Variants in RBMS3 observed in about 807,000 individuals in gnomAD.
RBMS3 encodes the protein RNA binding motif single stranded interacting protein 3, also known as RNA-binding motif, single-stranded-interacting protein 3.
In RBMS3, 27 loss-of-function variants were observed where a neutral mutation model predicts 66.8. That is an observed-to-expected ratio of 0.40 (90% confidence interval 0.30 to 0.56). The LOEUF (loss-of-function observed/expected upper bound fraction) is 0.56, where lower values mean the gene tolerates loss of function less well. Ranked by LOEUF, RBMS3 falls within the 20% of genes least tolerant of loss-of-function variation. RBMS3 has a pLI of 0.40. For missense variants in RBMS3, 513 were observed against 549.5 expected, an observed-to-expected ratio of 0.93 and a Z score of 0.66; for synonymous variants, 188 against 183.0, an observed-to-expected ratio of 1.03 and a Z score of -0.22.
At chr3:29,651,064 T>C (rs139153750) in intron 4 of RBMS3, among the ~76,000 whole-genome samples, 145 of 152,320 alleles carry the variant, frequency 9.5e-4, no homozygotes, top group African/African-American at 3.4e-3. Context: ...ATTTATTACT[T>C]TATCAAACCA....
At chr3:29,706,964 C>G (rs1053081748) in intron 4 of RBMS3, among the ~76,000 whole-genome samples, 2 of 152,094 alleles carry the variant, frequency 1.3e-5, no homozygotes, top group Non-Finnish European at 2.9e-5. Flanking sequence ...ATCCTGAGGT[C>G]TTAGAGAGAT....
intron 3 of RBMS3, among the ~76,000 whole-genome samples, chr3:29,585,555 G>A (rs1340292390): frequency 2.0e-5 from 3 of 152,120 alleles, no homozygotes; most frequent in African/African-American, 7.2e-5. Flanking sequence ...CACGAAGCCA[G>A]TAGTACCTGA....
chr3:29,518,076 T>C (rs577973567), intron 3 of RBMS3, among the ~76,000 whole-genome samples: 6 of 152,314 alleles, frequency 3.9e-5, no homozygotes, highest in Admixed American at 2.6e-4. Context: ...AGATAATCCT[T>C]ACCTCTTATC....
chr3:29,556,766 A>G (rs2046381831), intron 3 of RBMS3, among the ~76,000 whole-genome samples: 1 of 152,070 alleles, frequency 6.6e-6, no homozygotes, highest in African/African-American at 2.4e-5. Flanking sequence ...TGTTCTTCCT[A>G]GGGCAGTTCT....
At chr3:29,879,089 C>CA (rs147455657) in intron 7 of RBMS3, among the ~76,000 whole-genome samples, 4,094 of 145,172 alleles carry the variant, frequency 0.028, 160 homozygotes, top group African/African-American at 0.091. Flanking sequence ...GCATGAAAGG[C>CA]AAAAAAAAAA....
chr3:29,592,770 G>A (rs1339359953), intron 4 of RBMS3, among the ~76,000 whole-genome samples: 5 of 151,870 alleles, frequency 3.3e-5, no homozygotes, highest in Admixed American at 2.6e-4. Flanking sequence ...AATGTCCATC[G>A]ATGATAGACT....
chr3:29,620,201 T>G (rs2048818786), intron 4 of RBMS3, among the ~76,000 whole-genome samples: 1 of 152,194 alleles, frequency 6.6e-6, no homozygotes, highest in Non-Finnish European at 1.5e-5. Flanking sequence ...TTTTATATTT[T>G]GGATTGGATC....
At chr3:29,882,484 G>A (rs748225648) in intron 7 of RBMS3, among the ~76,000 whole-genome samples, 9 of 152,020 alleles carry the variant, frequency 5.9e-5, no homozygotes, top group Non-Finnish European at 1.3e-4. Flanking sequence ...GTGCACCTCT[G>A]TTAACTTCTG....
intron 10 of RBMS3, among the ~76,000 whole-genome samples, chr3:29,918,077 CA>C (rs1402151150): frequency 6.6e-6 from 1 of 152,118 alleles, no homozygotes; most frequent in Non-Finnish European, 1.5e-5. Flanking sequence ...TAATATCACA[CA>C]AGTTGGTGGC....
intron 4 of RBMS3, among the ~76,000 whole-genome samples, chr3:29,600,482 A>T (rs74799489): frequency 0.067 from 10,249 of 152,110 alleles, 392 homozygotes; most frequent in Non-Finnish European, 0.084. Context: ...CAACCTGAGG[A>T]TCTCACCAGA....
chr3:29,704,304 C>T (rs2052772983), intron 4 of RBMS3, among the ~76,000 whole-genome samples: 1 of 149,590 alleles, frequency 6.7e-6, no homozygotes, highest in Non-Finnish European at 1.5e-5. Context: ...GCTTCTATTT[C>T]AATTACTTAA....
At chr3:29,388,022 C>A (rs2039088623) in intron 1 of RBMS3, among the ~76,000 whole-genome samples, 1 of 152,070 alleles carries the variant, frequency 6.6e-6, no homozygotes, top group Non-Finnish European at 1.5e-5. Context: ...TTATTCAGGT[C>A]TCTGATGAAA....
intron 3 of RBMS3, among the ~76,000 whole-genome samples, chr3:29,510,184 AT>A (rs1198423528): frequency 6.6e-6 from 1 of 152,182 alleles, no homozygotes; most frequent in East Asian, 1.9e-4. Context: ...TTGTTATTTC[AT>A]TCTTTATCAA....
chr3:29,482,169 T>C (rs182488360), intron 2 of RBMS3, among the ~76,000 whole-genome samples: 290 of 152,312 alleles, frequency 1.9e-3, no homozygotes, highest in Admixed American at 3.6e-3. Context: ...CAGATGCATG[T>C]GAGGTTTCTG....
chr3:29,892,843 GTATT>G (rs371501719), intron 8 of RBMS3, among the ~76,000 whole-genome samples: 14,294 of 137,098 alleles, frequency 0.1, 908 homozygotes, highest in Middle Eastern at 0.28. Flanking sequence ...ATGTATGTAT[GTATT>G]TATTTATTTA....
chr3:29,751,954 G>T (rs2055203032), intron 5 of RBMS3, among the ~76,000 whole-genome samples: 1 of 152,162 alleles, frequency 6.6e-6, no homozygotes, highest in Non-Finnish European at 1.5e-5. Context: ...GTGTGTTATG[G>T]TGTGGTCCTT....
intron 1 of RBMS3, among the ~76,000 whole-genome samples, chr3:29,392,262 A>C (rs2039336003): frequency 6.6e-6 from 1 of 152,214 alleles, no homozygotes; most frequent in Non-Finnish European, 1.5e-5. Flanking sequence ...AAAGAAAAAG[A>C]AAACGTAGAG....
intron 1 of RBMS3, among the ~76,000 whole-genome samples, chr3:29,347,492 T>A (rs1559505623): frequency 1.3e-5 from 2 of 152,196 alleles, no homozygotes; most frequent in Non-Finnish European, 2.9e-5. Context: ...GTCTATTTTG[T>A]ATATTCTTGA....
chr3:29,511,072 G>A (rs1382967057), intron 3 of RBMS3, among the ~76,000 whole-genome samples: 1 of 152,196 alleles, frequency 6.6e-6, no homozygotes, highest in Non-Finnish European at 1.5e-5. Flanking sequence ...GCCAAGGTGG[G>A]TGGATCACTA....
Sources: allele counts gnomAD v4.1 joint callset (sites outside exome capture counted in the v4.1 genomes callset), GRCh38; gene constraint gnomAD v4.1.1; transcripts MANE v1.5; gene names NCBI Gene and HGNC (gene_info 2026-07-23, HGNC 2026-07-21).